Variants in DNAH8 observed in about 807,000 individuals in gnomAD.
DNAH8 encodes dynein axonemal heavy chain 8.
DNAH8 carries 382 observed loss-of-function variants against 562.1 expected under a neutral mutation model. That is an observed-to-expected ratio of 0.68 (90% CI 0.63 to 0.74). The LOEUF is 0.74. Ranked by LOEUF, DNAH8 falls within the 30% of genes least tolerant of loss-of-function variation. DNAH8 has a pLI of 0.00. For missense variants in DNAH8, 5,203 were observed against 5,620.4 expected (o/e 0.93, Z 2.37); for synonymous variants, 1,881 against 1,919.4 (o/e 0.98, Z 0.52).
chr6:38,862,129 G>T (rs913115044), intron 43 of DNAH8, 151 bp from the exon 44 acceptor site: 1 of 613,222 alleles, frequency 1.6e-6, no homozygotes, highest in Non-Finnish European at 2.8e-6. Flanking sequence ...TGAATATCAA[G>T]TACCCTAACC....
In DNAH8 at chr6:38,882,970, C is replaced by T. The variant is rs369613804; in HGVS notation, c.7919C>T (p.Pro2640Leu). The T allele has an allele frequency of 4.2e-5, 67 of 1,604,506 alleles. No homozygotes were observed. Among genetic ancestry groups the T allele is most frequent in the Middle Eastern group, 3.3e-4 (2 of 6,064 alleles). Residue 2640 changes from proline to leucine, a missense_variant, in exon 54 of 93, where the codon CCG becomes CTG. Physicochemically the swap from Pro to Leu is moderately conservative, Grantham distance 98. Coordinates refer to ENST00000327475, the MANE Select transcript of DNAH8 (RefSeq NM_001206927.2). Reference sequence around the variant, plus strand: ...TATTATTATCCAACTGACAGTATTCCGGAATATTCATCAATTTTGGTTCCA... The same window carrying T: ...TATTATTATCCAACTGACAGTATTCTGGAATATTCATCAATTTTGGTTCCA... Reference protein sequence around the residue: ...QPYYYPTDSIPEYSSILVPNV... With the variant: ...QPYYYPTDSILEYSSILVPNV...
intron 43 of DNAH8, among the ~76,000 whole-genome samples, chr6:38,861,254 T>G (rs1220031111): frequency 2.0e-5 from 3 of 152,222 alleles, no homozygotes; most frequent in African/African-American, 7.2e-5. Flanking sequence ...TTCAGCCTCC[T>G]TTTGATTTAT....
At chr6:38,944,232 C>G (rs1238886481) in intron 79 of DNAH8, among the ~76,000 whole-genome samples, 2 of 152,292 alleles carry the variant, frequency 1.3e-5, no homozygotes, top group East Asian at 3.9e-4. Context: ...TGCTCTGTCT[C>G]CAGGTTGCAG....
chr6:38,750,020 GACGGGGTTTC>G (rs1232945407), intron 8 of DNAH8, among the ~76,000 whole-genome samples: 14 of 152,128 alleles, frequency 9.2e-5, no homozygotes, highest in Non-Finnish European at 1.9e-4. Context: ...TTTTAGTAGA[GACGGGGTTTC>G]ACCGTGTTAG....
At chr6:38,846,078 C>G in intron 36 of DNAH8, among the ~76,000 whole-genome samples, 1 of 63,450 alleles carries the variant, frequency 1.6e-5, no homozygotes, top group Non-Finnish European at 3.0e-5. Context: ...TTCATTTCAT[C>G]TTTTCTCTCC....
rs199517916 is a variant in DNAH8, at chr6:38,864,056, C to A, written c.6494C>A (p.Thr2165Lys). The A allele has an allele frequency of 1.9e-6, 3 of 1,602,656 alleles. No homozygotes were observed. The Admixed American group carries it at 5.3e-5, about 28-fold the overall frequency. The change falls in exon 45 of 93, where the codon ACG (threonine) becomes AAG (lysine). Residue 2165 changes from threonine to lysine, a missense_variant. Thr to Lys is a moderately conservative substitution (Grantham distance 78, BLOSUM62 -1). Transcript: ENST00000327475. Reference protein sequence around the residue: ...DLNPEFGIFLTMNPGYAGRQE... With the variant: ...DLNPEFGIFLKMNPGYAGRQE... Reference sequence around the variant, plus strand: ...AATCCAGAATTTGGAATCTTCTTAACGATGGTGAGAAAAAAGGCTTTAAAT... The same window carrying A: ...AATCCAGAATTTGGAATCTTCTTAAAGATGGTGAGAAAAAAGGCTTTAAAT...
chr6:38,721,090 A>G (rs1035360372), intron 1 of DNAH8, among the ~76,000 whole-genome samples: 7 of 152,134 alleles, frequency 4.6e-5, no homozygotes, highest in Non-Finnish European at 8.8e-5. Flanking sequence ...AAACGACCAG[A>G]TTTAAGAATT....
At chr6:38,834,852 A>G (rs1386812318) in intron 32 of DNAH8, among the ~76,000 whole-genome samples, 1 of 152,244 alleles carries the variant, frequency 6.6e-6, no homozygotes, top group African/African-American at 2.4e-5. Context: ...TTTAGAGAAT[A>G]AGACTGATTC....
chr6:39,015,064 GGACAGGTAGGGCAGAGA>G (rs1454853720), intron 91 of DNAH8, among the ~76,000 whole-genome samples: 3 of 152,096 alleles, frequency 2.0e-5, no homozygotes, highest in Non-Finnish European at 2.9e-5. Context: ...ATTGGGAGAG[GGACAGGTAGGGCAGAGA>G]GACAGGGAGC....
At chr6:38,827,180 C>G (rs555961992) in intron 29 of DNAH8, among the ~76,000 whole-genome samples, 2 of 152,282 alleles carry the variant, frequency 1.3e-5, no homozygotes, top group African/African-American at 4.8e-5. Flanking sequence ...TTTCCTGCCA[C>G]ACTCTTTCTC....
At chr6:38,833,485 C>T (rs1774021322) in intron 31 of DNAH8, among the ~76,000 whole-genome samples, 1 of 152,126 alleles carries the variant, frequency 6.6e-6, no homozygotes, top group Non-Finnish European at 1.5e-5. Flanking sequence ...CACAGCCAGT[C>T]AGGCTTCTTA....
At chr6:38,749,764 C>T (rs1765268743) in intron 8 of DNAH8, among the ~76,000 whole-genome samples, 1 of 152,196 alleles carries the variant, frequency 6.6e-6, no homozygotes, top group Non-Finnish European at 1.5e-5. Context: ...TGACCACTTA[C>T]AAGAAACTGT....
chr6:38,750,448 A>G, intron 8 of DNAH8, 28 bp from the exon 9 acceptor site: 5 of 1,510,534 alleles, frequency 3.3e-6, no homozygotes, highest in Non-Finnish European at 4.6e-6. Context: ...TGGATGTTTC[A>G]TAGAATTCTT....
chr6:38,790,183 C>T (rs1314332570), intron 19 of DNAH8, 106 bp from the exon 20 acceptor site: 28 of 758,248 alleles, frequency 3.7e-5, no homozygotes, highest in Admixed American at 2.4e-5. Flanking sequence ...AGGGAAAATA[C>T]ATGTAAGAAA....
At chr6:38,734,355 C>T (rs997566736) in intron 4 of DNAH8, 119 bp from the exon 5 acceptor site, 14 of 924,026 alleles carry the variant, frequency 1.5e-5, no homozygotes, top group South Asian at 7.6e-5. Context: ...ATTCTATGAC[C>T]GTATTGAAAA....
Position 38,729,893 on chromosome 6 carries a change from A to G in DNAH8, c.526-9A>G. 2.0e-6 allele frequency: 3 copies of G among 1,467,184 alleles called. No homozygotes were observed. The highest frequency in any genetic ancestry group is 1.2e-5 in the South Asian group (1 of 81,700). The allele number at this position is 1,467,184 out of a possible 1,614,324, so 90.9% of individuals were successfully genotyped here. On this transcript the variant is annotated splice_polypyrimidine_tract_variant and intron_variant, in intron 3 of 92. Coordinates refer to ENST00000327475, the MANE Select transcript of DNAH8 (RefSeq NM_001206927.2). The stretch of plus-strand genomic sequence containing the variant: ...TCGTTTGATTATCATTTTCTCTTTT[A>G]TTTAACAGCTGGAAGCATTTACTAA...
chr6:38,981,701 G>T (rs1204070305), intron 85 of DNAH8, among the ~76,000 whole-genome samples: 1 of 152,180 alleles, frequency 6.6e-6, no homozygotes. Context: ...GTCCATTGTA[G>T]AATAACAGTT....
Position 38,873,052 on chromosome 6 carries a change from G to C in DNAH8, c.7384G>C (p.Val2462Leu), listed in dbSNP as rs201809379. Residue 2462 changes from valine (V) to leucine (L), a missense_variant, in exon 51 of 93, where the codon GTC becomes CTC. Transcript: ENST00000327475. Reference sequence around the variant, plus strand: ...CCCTAGTTGTAAGCTTCTGTTTGAAGTCCACAATATCGAGAACGCCTCTCC... The same window carrying C: ...CCCTAGTTGTAAGCTTCTGTTTGAACTCCACAATATCGAGAACGCCTCTCC... ...MAPSCKLLFE[V>L]HNIENASPAT... is the part of the protein sequence containing the mutation. The C allele has an allele frequency of 6.2e-7, 1 of 1,614,120 alleles. No individual in the cohort carries two copies. Among genetic ancestry groups the C allele is most frequent in the Non-Finnish European group, 8.5e-7 (1 of 1,179,996 alleles).
chr6:38,716,632 G>A (rs1762369133), intron 1 of DNAH8: 1 of 152,156 alleles, frequency 6.6e-6, no homozygotes, highest in African/African-American at 2.4e-5. Flanking sequence ...ACCATCTTGT[G>A]TTGTATTCAA....
Sources: allele counts gnomAD v4.1 joint callset (sites outside exome capture counted in the v4.1 genomes callset), GRCh38; gene constraint gnomAD v4.1.1; transcripts MANE v1.5; gene names NCBI Gene and HGNC (gene_info 2026-07-23, HGNC 2026-07-21).